EEA1: variants seen among roughly 807,000 people sequenced by gnomAD.
EEA1 encodes the protein early endosome antigen 1, 162kD.
EEA1 carries 111 observed loss-of-function variants against 209.2 expected under a neutral mutation model. The ratio of observed to expected loss-of-function variants is 0.53; its 90% confidence interval spans 0.45 to 0.62. EEA1 has a LOEUF of 0.62. Ranked by LOEUF, EEA1 falls within the 20% of genes least tolerant of loss-of-function variation. The probability of loss-of-function intolerance (pLI) is 0.00; values close to 1 mark genes in which losing one functional copy is unlikely to be tolerated. For synonymous variants in EEA1, 536 were observed against 540.6 expected (o/e 0.99, Z 0.12); for missense variants, 1,343 against 1,530.8 (o/e 0.88, Z 2.05).
intron 7 of EEA1, among the ~76,000 whole-genome samples, chr12:92,852,658 C>T (rs7135711): frequency 0.041 from 6,271 of 152,070 alleles, 429 homozygotes; most frequent in African/African-American, 0.14. Flanking sequence ...AAGCATGCCA[C>T]AGAAGAAAAT....
chr12:92,786,137 C>A (rs1874121200), intron 22 of EEA1, among the ~76,000 whole-genome samples: 1 of 152,120 alleles, frequency 6.6e-6, no homozygotes, highest in Non-Finnish European at 1.5e-5. Context: ...TTTTCTCCAT[C>A]CTTGCTATTA....
intron 22 of EEA1, among the ~76,000 whole-genome samples, chr12:92,785,094 T>C (rs1434292255): frequency 7.0e-6 from 1 of 143,176 alleles, no homozygotes. Flanking sequence ...TGATATAGAG[T>C]ACTAGGCTAA....
intron 18 of EEA1, among the ~76,000 whole-genome samples, chr12:92,804,045 T>C (rs1255747113): frequency 3.9e-5 from 6 of 152,066 alleles, no homozygotes; most frequent in Admixed American, 3.9e-4. Flanking sequence ...TTGGAAACTA[T>C]AATATCTCTT....
intron 1 of EEA1, among the ~76,000 whole-genome samples, chr12:92,925,795 A>G (rs1223417762): frequency 6.6e-6 from 1 of 152,234 alleles, no homozygotes; most frequent in East Asian, 1.9e-4. Flanking sequence ...CAAAAGCAGG[A>G]GAACCAGAAA....
rs1040594448 is a variant in EEA1, at chr12:92,929,287, A to G, written c.-221T>C. The G allele has an allele frequency of 1.7e-5, 5 of 292,416 alleles. No homozygotes were observed. Among genetic ancestry groups the G allele is most frequent in the African/African-American group, 1.2e-4 (5 of 42,736 alleles). 18.1% of individuals were successfully genotyped at this position (292,416 alleles called of 1,614,324 possible). The stretch of plus-strand genomic sequence containing the variant: ...CGAGCGAACGACTAGGCAGCCTGCG[A>G]GCGCCTCCAGCCCGCCCGCCGGGCA... On this transcript the variant is annotated 5_prime_UTR_variant, in exon 1 of 29. Coordinates refer to ENST00000322349, the MANE Select transcript of EEA1 (RefSeq NM_003566.4).
chr12:92,880,598 G>A (rs963832358), intron 2 of EEA1, among the ~76,000 whole-genome samples: 47 of 151,972 alleles, frequency 3.1e-4, no homozygotes, highest in African/African-American at 1.1e-3. Context: ...CCTCAGCCTC[G>A]CGAGTAGCTG....
Position 92,924,436 on chromosome 12 carries a change from T to C in EEA1, c.24+4607A>G, listed in dbSNP as rs1043643992. On this transcript the variant is annotated intron_variant, in intron 1 of 28. Coordinates refer to ENST00000322349, the MANE Select transcript of EEA1 (RefSeq NM_003566.4). The stretch of plus-strand genomic sequence containing the variant: ...GTTGGCCAGGCTGGTCTCAAACTCC[T>C]GACCTCAGGTGATCCACCCACCTCA... 3.9e-5 allele frequency among the ~76,000 whole-genome samples: 6 copies of C among 152,094 alleles called. No homozygotes were observed. In the East Asian group the frequency reaches 9.6e-4, roughly 24 times the overall value.
At chr12:92,883,775 T>C (rs1879265628) in intron 2 of EEA1, 6 of 1,471,110 alleles carry the variant, frequency 4.1e-6, no homozygotes, top group African/African-American at 1.4e-5. Flanking sequence ...CCTTCCGTCA[T>C]GTCTAAGTCA....
At chr12:92,918,923 G>T (rs1194844058) in intron 1 of EEA1, among the ~76,000 whole-genome samples, 15 of 138,662 alleles carry the variant, frequency 1.1e-4, no homozygotes, top group Non-Finnish European at 1.3e-4. Flanking sequence ...TATCACCACC[G>T]ATCCCACAGA....
chr12:92,870,550 C>T (rs1878597229), intron 2 of EEA1, among the ~76,000 whole-genome samples: 1 of 152,176 alleles, frequency 6.6e-6, no homozygotes, highest in Non-Finnish European at 1.5e-5. Flanking sequence ...CTGTCACCTT[C>T]CTCAAGTCTA....
chr12:92,851,417 C>A, intron 8 of EEA1, 151 bp from the exon 9 acceptor site: 1 of 699,400 alleles, frequency 1.4e-6, no homozygotes, highest in South Asian at 1.9e-5. Context: ...TATCTTCTCC[C>A]ACAATAAGCC....
intron 3 of EEA1, among the ~76,000 whole-genome samples, chr12:92,861,316 G>A (rs755909389): frequency 2.6e-5 from 4 of 152,126 alleles, no homozygotes; most frequent in South Asian, 2.1e-4. Context: ...TTAGCCGGGC[G>A]TGGTGGCGCA....
chr12:92,779,371 T>C (rs924477887), intron 24 of EEA1, 71 bp from the exon 25 acceptor site: 5 of 1,407,466 alleles, frequency 3.6e-6, no homozygotes, highest in East Asian at 2.5e-5. Flanking sequence ...CTAAAATTTA[T>C]GCAATTTATC....
intron 1 of EEA1, among the ~76,000 whole-genome samples, chr12:92,901,713 G>A (rs974473688): frequency 3.9e-5 from 6 of 151,910 alleles, no homozygotes; most frequent in Non-Finnish European, 5.9e-5. Context: ...GACTACAGGT[G>A]CACGCCACCA....
intron 18 of EEA1, among the ~76,000 whole-genome samples, chr12:92,806,924 A>G (rs960300032): frequency 6.7e-6 from 1 of 150,070 alleles, no homozygotes. Flanking sequence ...CAAGCACGGT[A>G]ATTTTTCTTT....
intron 11 of EEA1, among the ~76,000 whole-genome samples, chr12:92,831,479 T>C (rs1016710477): frequency 6.7e-6 from 1 of 148,824 alleles, no homozygotes; most frequent in Non-Finnish European, 1.5e-5. Flanking sequence ...TATAGGTAAA[T>C]AATATATGAA....
At chr12:92,778,915 A>AT (rs1873779479) in intron 25 of EEA1, among the ~76,000 whole-genome samples, 200 bp downstream of exon 25, 1 of 152,142 alleles carries the variant, frequency 6.6e-6, no homozygotes, top group African/African-American at 2.4e-5. Flanking sequence ...ATGTTCACTT[A>AT]TAAAAACAGA....
intron 25 of EEA1, among the ~76,000 whole-genome samples, chr12:92,778,847 T>G (rs1873775588): frequency 6.6e-6 from 1 of 152,094 alleles, no homozygotes; most frequent in Admixed American, 6.6e-5. Flanking sequence ...AGTTGTGGGG[T>G]TGTTTAGCTT....
chr12:92,801,535 T>C (rs1874908537), intron 20 of EEA1, 65 bp downstream of exon 20: 1 of 1,077,942 alleles, frequency 9.3e-7, no homozygotes. Flanking sequence ...CTTTATATAT[T>C]TATTTGAAAA....
Sources: allele counts gnomAD v4.1 joint callset (sites outside exome capture counted in the v4.1 genomes callset), GRCh38; gene constraint gnomAD v4.1.1; transcripts MANE v1.5; gene names NCBI Gene and HGNC (gene_info 2026-07-23, HGNC 2026-07-21).